AP2A2: variants seen among roughly 807,000 people sequenced by gnomAD.
AP2A2 encodes the protein adaptor related protein complex 2 subunit alpha 2.
A neutral mutation model predicts 104.2 loss-of-function variants in AP2A2; 32 were observed. The ratio of observed to expected loss-of-function variants is 0.31; its 90% confidence interval spans 0.23 to 0.41. The LOEUF (loss-of-function observed/expected upper bound fraction) is 0.41, where lower values mean the gene tolerates loss of function less well. Ranked by LOEUF, AP2A2 falls within the 10% of genes least tolerant of loss-of-function variation. The pLI is 1.00. For missense variants in AP2A2, 912 were observed against 1,261.0 expected, an observed-to-expected ratio of 0.72 and a Z score of 4.19; for synonymous variants, 539 against 533.3, an observed-to-expected ratio of 1.01 and a Z score of -0.15.
rs781356667 is a variant in AP2A2, at chr11:984,697, C to T, written c.758C>T (p.Pro253Leu). The T allele has an allele frequency of 2.0e-5, 32 of 1,613,694 alleles. No homozygotes were observed. The highest frequency in any genetic ancestry group is 2.5e-5 in the Non-Finnish European group (30 of 1,179,832). The change falls in exon 7 of 22, where the codon CCG becomes CTG. Residue 253 changes from proline to leucine, a missense_variant. Coordinates refer to ENST00000448903, the MANE Select transcript of AP2A2 (RefSeq NM_012305.4). ...CAGGATTACACTTACTATTTTGTCC[C>T]GGCTCCCTGGCTGTCTGTCAAACTG... is the stretch of plus-strand genomic sequence containing the variant. ...DLQDYTYYFV[P>L]APWLSVKLLR... is the part of the protein sequence containing the mutation.
chr11:973,393 A>G (rs1039054642), intron 4 of AP2A2, among the ~76,000 whole-genome samples: 35 of 152,118 alleles, frequency 2.3e-4, no homozygotes, highest in African/African-American at 7.5e-4. Context: ...CCCACAATAG[A>G]GAATGAGGCA....
chr11:992,323 C>G lies in AP2A2; in HGVS notation c.1270-180C>G, dbSNP rs1189906417. The G allele has an allele frequency of 3.0e-6, 2 of 677,050 alleles. No individual in the cohort carries two copies. The highest frequency in any genetic ancestry group is 1.8e-5 in the African/African-American group (1 of 55,882). 41.9% of individuals were successfully genotyped at this position (677,050 alleles called of 1,614,324 possible). ...GCTTTCTTTGCTTAAGTCAGGGCAT[C>G]TTAAACTTTCTGGGCTCGTGGGCTT... On this transcript the variant is annotated intron_variant, in intron 10 of 21. Transcript: ENST00000448903. This position sits in a 1 kb window ranked among gnomAD's most constrained non-coding sequence, Gnocchi z 6.4.
intron 1 of AP2A2, among the ~76,000 whole-genome samples, chr11:937,600 G>C (rs1052508023): frequency 6.6e-6 from 1 of 152,188 alleles, no homozygotes; most frequent in Non-Finnish European, 1.5e-5. Flanking sequence ...ATGAGACCCT[G>C]TCTCAAAACA....
chr11:977,522 C>T (rs999655684), intron 5 of AP2A2, among the ~76,000 whole-genome samples: 1 of 148,124 alleles, frequency 6.8e-6, no homozygotes, highest in African/African-American at 2.5e-5. Context: ...GGAGCTCCTG[C>T]CTGGTGTCCC....
At chr11:939,502 T>C (rs989335668) in intron 1 of AP2A2, among the ~76,000 whole-genome samples, 5 of 151,782 alleles carry the variant, frequency 3.3e-5, no homozygotes, top group Non-Finnish European at 5.9e-5. Context: ...TGGAGTACAG[T>C]GGTGGGATCT....
At chr11:942,012 C>T (rs957747690) in intron 1 of AP2A2, among the ~76,000 whole-genome samples, 37 of 150,948 alleles carry the variant, frequency 2.5e-4, no homozygotes, top group Non-Finnish European at 2.7e-4. Context: ...CTGCAACCTC[C>T]GCCTCCCAGG....
rs1265129204 is a variant in AP2A2, at chr11:952,306, G to T, written c.68-7131G>T. Among the ~76,000 whole-genome samples the T allele has an allele frequency of 3.9e-5, 6 of 152,182 alleles. No homozygotes were observed. In the South Asian group the frequency reaches 1.2e-3, roughly 31 times the overall value. On this transcript the variant is annotated intron_variant, in intron 1 of 21. Transcript: ENST00000448903. ...TACTATTTTTTGTGGAACTTGGGCT[G>T]TTCCCAGAATACTAATCCTCTCTGT...
chr11:977,295 A>G lies in AP2A2; in HGVS notation c.603+71A>G, dbSNP rs1855078295. 9.3e-6 allele frequency: 14 copies of G among 1,510,848 alleles called. No individual in the cohort carries two copies. In the Admixed American group the frequency reaches 1.5e-4, roughly 16 times the overall value. 93.6% of individuals were successfully genotyped at this position (1,510,848 alleles called of 1,614,324 possible). A position where few individuals can be genotyped will look rare whatever the true frequency, so the allele number is the denominator to read the frequency against. On this transcript the variant is annotated intron_variant, in intron 5 of 21. Coordinates refer to ENST00000448903, the MANE Select transcript of AP2A2 (RefSeq NM_012305.4). ...TTGGGATGGCCGTTGTGAAGACACC[A>G]TGGTGCGCCTTCTCGGGATGCCCAG...
chr11:986,153 C>A (rs138272022), intron 8 of AP2A2, among the ~76,000 whole-genome samples: 1 of 152,206 alleles, frequency 6.6e-6, no homozygotes, highest in Non-Finnish European at 1.5e-5. Flanking sequence ...AGAATGAGAT[C>A]GCAGTTCTCA....
Position 1,011,282 on chromosome 11 carries a change from G to A in AP2A2, c.*657G>A, listed in dbSNP as rs371660995. 3.3e-5 allele frequency: 17 copies of A among 518,772 alleles called. No individual in the cohort carries two copies. The highest frequency in any genetic ancestry group is 6.2e-5 in the Non-Finnish European group (16 of 259,894). The allele number at this position is 518,772 out of a possible 1,614,324, so 32.1% of individuals were successfully genotyped here. On this transcript the variant is annotated 3_prime_UTR_variant, in exon 22 of 22. Coordinates refer to ENST00000448903, the MANE Select transcript of AP2A2 (RefSeq NM_012305.4). The stretch of plus-strand genomic sequence containing the variant: ...GGGCGTCTGTTATGCTCCTGCAGTC[G>A]CCGAGGCCTTGGATGTGCAGCCAGG...
At chr11:995,960 T>C (rs1332687587) in intron 14 of AP2A2, 1 of 151,844 alleles carries the variant, frequency 6.6e-6, no homozygotes, top group Admixed American at 6.6e-5. Flanking sequence ...ATGCTTATGT[T>C]TCTCATGTGC....
intron 6 of AP2A2, among the ~76,000 whole-genome samples, chr11:981,892 G>A (rs936608980): frequency 1.3e-5 from 2 of 152,358 alleles, no homozygotes; most frequent in African/African-American, 2.4e-5. Context: ...AGCTGGGGCC[G>A]CGGCTCCTGA....
chr11:949,298 C>T (rs1339773468), intron 1 of AP2A2, among the ~76,000 whole-genome samples: 1 of 151,548 alleles, frequency 6.6e-6, no homozygotes, highest in Non-Finnish European at 1.5e-5. Flanking sequence ...AATACCAGTC[C>T]TTTACAAACT....
At chr11:944,729 C>T (rs911816748) in intron 1 of AP2A2, among the ~76,000 whole-genome samples, 3 of 152,028 alleles carry the variant, frequency 2.0e-5, no homozygotes, top group East Asian at 1.9e-4. Context: ...GCAGTGGCCA[C>T]GTAGAAGTTA....
At chr11:1,001,356 C>T (rs1004136022) in intron 15 of AP2A2, 2 of 152,384 alleles carry the variant, frequency 1.3e-5, no homozygotes, top group Non-Finnish European at 2.9e-5. Context: ...GGCCGGAGGT[C>T]TGAGGTGCCC....
intron 1 of AP2A2, among the ~76,000 whole-genome samples, chr11:931,664 T>G (rs1853295734): frequency 2.6e-5 from 4 of 152,194 alleles, no homozygotes; most frequent in African/African-American, 9.6e-5. Flanking sequence ...GAGATGTTAT[T>G]AGCAAGATGG....
At chr11:964,722 G>A (rs536000642) in intron 2 of AP2A2, among the ~76,000 whole-genome samples, 2 of 152,294 alleles carry the variant, frequency 1.3e-5, no homozygotes, top group South Asian at 2.1e-4. Flanking sequence ...AATACCTGCC[G>A]AAGACAGAAA....
At chr11:952,431 A>G (rs923475053) in intron 1 of AP2A2, among the ~76,000 whole-genome samples, 11 of 152,216 alleles carry the variant, frequency 7.2e-5, no homozygotes, top group African/African-American at 2.2e-4. Context: ...CTTTTATCCA[A>G]GCCTGCCCCT....
chr11:953,920 C>T (rs1038289351), intron 1 of AP2A2, among the ~76,000 whole-genome samples: 2 of 151,660 alleles, frequency 1.3e-5, no homozygotes, highest in African/African-American at 4.8e-5. Context: ...CTGCAACCTC[C>T]GCCTCCTGGG....
Sources: allele counts gnomAD v4.1 joint callset (sites outside exome capture counted in the v4.1 genomes callset), GRCh38; gene constraint gnomAD v4.1.1; non-coding constraint Gnocchi (gnomAD v3.1); transcripts MANE v1.5; gene names NCBI Gene and HGNC (gene_info 2026-07-23, HGNC 2026-07-21).